The following KCNIP4 variants were observed in gnomAD, a reference collection of about 807,000 sequenced individuals.
KCNIP4 encodes Kv channel-interacting protein 4.
Under a neutral mutation model 34.0 loss-of-function variants are expected in KCNIP4, and 12 were observed. The ratio of observed to expected loss-of-function variants is 0.35; its 90% CI spans 0.23 to 0.57. KCNIP4 has a LOEUF of 0.57. Among genes scored for constraint, KCNIP4 ranks in the 20% least tolerant of loss-of-function variants. The pLI, the probability that KCNIP4 is intolerant of heterozygous loss-of-function variation, is 0.83. For missense variants in KCNIP4, 238 were observed against 311.7 expected, an observed-to-expected ratio of 0.76 and a Z score of 1.78; for synonymous variants, 124 against 102.2, an observed-to-expected ratio of 1.21 and a Z score of -1.29.
chr4:21,564,420 T>C (rs1023534767), intron 1 of KCNIP4, among the ~76,000 whole-genome samples: 5 of 152,104 alleles, frequency 3.3e-5, no homozygotes, highest in African/African-American at 7.2e-5. Context: ...AACTCACACA[T>C]TGGAGGAGGA....
intron 1 of KCNIP4, among the ~76,000 whole-genome samples, chr4:21,093,174 C>T (rs143473568): frequency 1.1e-3 from 175 of 152,288 alleles, no homozygotes; most frequent in Non-Finnish European, 1.9e-3. Flanking sequence ...AGAAGAACAA[C>T]TGTGAGTTGT....
At chr4:21,450,242 A>C (rs1728401653) in intron 1 of KCNIP4, among the ~76,000 whole-genome samples, 1 of 152,176 alleles carries the variant, frequency 6.6e-6, no homozygotes, top group Non-Finnish European at 1.5e-5. Flanking sequence ...AAATCTATAG[A>C]GTTCTCAAAC....
chr4:20,892,484 G>T (rs1726025476), intron 1 of KCNIP4, among the ~76,000 whole-genome samples: 1 of 151,684 alleles, frequency 6.6e-6, no homozygotes. Flanking sequence ...AGTTTCTCTG[G>T]CTCAATGTCT....
intron 1 of KCNIP4, among the ~76,000 whole-genome samples, chr4:21,935,291 T>G (rs916982891): frequency 2.6e-5 from 4 of 152,084 alleles, no homozygotes; most frequent in Non-Finnish European, 4.4e-5. Context: ...CTTTAATCTT[T>G]CATTTACATC....
chr4:21,352,663 C>T (rs1718133224), intron 1 of KCNIP4, among the ~76,000 whole-genome samples: 1 of 152,248 alleles, frequency 6.6e-6, no homozygotes. Flanking sequence ...CTCAGCAAGG[C>T]CTGCTGCCTC....
intron 1 of KCNIP4, among the ~76,000 whole-genome samples, chr4:21,721,008 T>C (rs6851268): frequency 0.18 from 27,023 of 152,092 alleles, 3,489 homozygotes; most frequent in African/African-American, 0.37. Context: ...AGCAGCTTGA[T>C]TTATAATCCT....
intron 1 of KCNIP4, among the ~76,000 whole-genome samples, chr4:20,947,503 C>G (rs532299205): frequency 9.2e-5 from 14 of 152,174 alleles, no homozygotes; most frequent in Admixed American, 2.6e-4. Context: ...ACCAATCACT[C>G]GTTCTCAGCT....
chr4:21,086,983 T>C (rs28712835), intron 1 of KCNIP4, among the ~76,000 whole-genome samples: 28 of 121,808 alleles, frequency 2.3e-4, no homozygotes, highest in South Asian at 8.9e-4. Flanking sequence ...CTCTCTCTCT[T>C]TCTTTCTTTT....
intron 1 of KCNIP4, among the ~76,000 whole-genome samples, chr4:21,930,864 T>A (rs2109007645): frequency 6.6e-6 from 1 of 152,248 alleles, no homozygotes; most frequent in African/African-American, 2.4e-5. Context: ...CATGTCCCTC[T>A]CTCCCAGTGA....
Position 20,882,679 on chromosome 4 carries a change from C to G in KCNIP4, c.92G>C (p.Arg31Pro). 2 of 1,613,286 alleles carry G rather than the reference C, an allele frequency of 1.2e-6. No homozygotes were observed. The highest frequency in any genetic ancestry group is 1.7e-6 in the Non-Finnish European group (2 of 1,179,784). The change falls in exon 2 of 9, where the codon CGC (arginine) becomes CCC (proline). Residue 31 changes from arginine (R) to proline (P), a missense_variant. By Grantham distance (103) the Arg-to-Pro change is moderately radical. Coordinates refer to ENST00000382152, the MANE Select transcript of KCNIP4 (RefSeq NM_025221.6). ...GFLYAQNSTK[R>P]SIKERLMKLL... ...CTTCATGAGCCGCTCTTTAATGCTG[C>G]GCTTGGTGCTGTTCTGAGCGTACAG...
intron 1 of KCNIP4, among the ~76,000 whole-genome samples, chr4:21,351,415 G>A (rs1037565400): frequency 1.3e-5 from 2 of 152,140 alleles, no homozygotes; most frequent in African/African-American, 2.4e-5. Context: ...CTTGCCTGCT[G>A]CCATATAAGA....
At chr4:21,943,814 G>C (rs541236771) in intron 1 of KCNIP4, among the ~76,000 whole-genome samples, 16 of 152,050 alleles carry the variant, frequency 1.1e-4, no homozygotes, top group Non-Finnish European at 2.2e-4. Flanking sequence ...AACCCTCATG[G>C]CCTAGAAAGG....
rs879423290 is a variant in KCNIP4, at chr4:21,400,549, TCTTCTCTTCTCTTCTCTTCTCTTCTCTTC to T, written c.62-517869_62-517841del. 9.9e-3 allele frequency among the ~76,000 whole-genome samples: 1,126 copies of T among 113,520 alleles called. 17 individuals carry two copies. The highest frequency in any genetic ancestry group is 0.012 in the Admixed American group (137 of 11,308). 74.5% of individuals were successfully genotyped at this position (113,520 alleles called of 152,430 possible). The stretch of plus-strand genomic sequence containing the variant: ...TCTTCTCTTCTCTTCTCTTCTCTTC[TCTTCTCTTCTCTTCTCTTCTCTTCTCTTC>T]GTTCTTTCTTTCTTCCTTCTTTTCT... On this transcript the variant is annotated intron_variant, in intron 1 of 8. Transcript: ENST00000382152.
chr4:20,891,709 T>C (rs1419931603), intron 1 of KCNIP4, among the ~76,000 whole-genome samples: 2 of 152,174 alleles, frequency 1.3e-5, no homozygotes, highest in Non-Finnish European at 2.9e-5. Flanking sequence ...AGTAGTGTCA[T>C]GGATGCTGGG....
intron 4 of KCNIP4, among the ~76,000 whole-genome samples, chr4:20,750,728 A>T (rs1436570135): frequency 1.3e-5 from 2 of 152,066 alleles, no homozygotes; most frequent in Non-Finnish European, 2.9e-5. Flanking sequence ...TAAAATTTAC[A>T]TTATTATTTT....
chr4:21,203,188 G>A (rs1756611557), intron 1 of KCNIP4, among the ~76,000 whole-genome samples: 2 of 152,198 alleles, frequency 1.3e-5, no homozygotes, highest in South Asian at 4.1e-4. Context: ...CCAAGTACCT[G>A]CAATGTGGAA....
chr4:21,304,073 G>GAGAGAGAC (rs1712113003), intron 1 of KCNIP4: 13 of 235,784 alleles, frequency 5.5e-5, no homozygotes, highest in Admixed American at 2.3e-4. Flanking sequence ...GAGAGACAGA[G>GAGAGAGAC]AGAGAGAGAG....
intron 1 of KCNIP4, among the ~76,000 whole-genome samples, chr4:21,332,366 T>C (rs1222512626): frequency 1.3e-5 from 2 of 152,062 alleles, no homozygotes; most frequent in African/African-American, 4.8e-5. Context: ...TTTATGGTGA[T>C]GACTCCAGAT....
At position 21,930,539 on chromosome 4, in the gene KCNIP4, A is replaced by T. The variant is rs114730817; in HGVS notation, c.61+18032T>A. ...TACTACCATCTACTTTTCCAGTCTT[A>T]CTTTTGGATACATTTTTCTACACTG... On this transcript the variant is annotated intron_variant, in intron 1 of 8. Coordinates refer to ENST00000382152, the MANE Select transcript of KCNIP4 (RefSeq NM_025221.6). Among the ~76,000 whole-genome samples, 738 of 152,154 alleles carry T rather than the reference A, an allele frequency of 4.9e-3. 7 individuals are homozygous for T. The highest frequency in any genetic ancestry group is 0.017 in the African/African-American group (685 of 41,514).
Sources: gnomAD v4.1 joint callset for allele counts (sites outside exome capture counted in the v4.1 genomes callset) on GRCh38, gnomAD v4.1.1 for gene constraint, MANE v1.5 for transcripts, NCBI Gene and HGNC (gene_info 2026-07-23, HGNC 2026-07-21) for gene names.